Variants in TAFA5 observed in about 807,000 individuals in gnomAD.
The protein encoded by TAFA5 is chemokine-like protein TAFA-5.
In TAFA5, 6 loss-of-function variants were observed where a neutral mutation model predicts 15.3. The observed-to-expected ratio is 0.39, with a 90% confidence interval of 0.21 to 0.77. TAFA5 has a LOEUF of 0.77. Among genes scored for constraint, TAFA5 ranks in the 30% least tolerant of loss-of-function variants. The probability of loss-of-function intolerance (pLI) is 0.41; values close to 1 mark genes in which losing one functional copy is unlikely to be tolerated. For missense variants in TAFA5, 161 were observed against 193.1 expected, an observed-to-expected ratio of 0.83 and a Z score of 0.98; for synonymous variants, 103 against 80.7, an observed-to-expected ratio of 1.28 and a Z score of -1.48.
Position 48,512,692 on chromosome 22 carries a change from G to A in TAFA5, c.112+22988G>A, listed in dbSNP as rs529686969. On this transcript the variant is annotated intron_variant, in intron 1 of 3. Transcript: ENST00000402357. ...TCCTAGCACTTTGGGAGGCCGAGGC[G>A]GGTGGATCACGAGGTCAGGAGATCG... Among the ~76,000 whole-genome samples the A allele has an allele frequency of 4.6e-5, 7 of 151,846 alleles. No homozygotes were observed. The South Asian group carries it at 1.3e-3, about 27-fold the overall frequency.
At chr22:48,666,621 C>A (rs1266552934) in intron 2 of TAFA5, among the ~76,000 whole-genome samples, 1 of 58,646 alleles carries the variant, frequency 1.7e-5, no homozygotes, top group Non-Finnish European at 3.5e-5. Context: ...TGTACACTGC[C>A]ATTCCCTCTT....
chr22:48,674,145 G>C (rs1281291816), intron 2 of TAFA5, among the ~76,000 whole-genome samples: 1 of 152,168 alleles, frequency 6.6e-6, no homozygotes, highest in Non-Finnish European at 1.5e-5. Flanking sequence ...CCTTCCTCCT[G>C]CTTGGGCCGG....
intron 1 of TAFA5, among the ~76,000 whole-genome samples, chr22:48,542,045 C>T (rs1467175234): frequency 1.3e-5 from 2 of 151,524 alleles, no homozygotes; most frequent in Admixed American, 1.3e-4. Context: ...ATTGGAGGGG[C>T]CGGGGCGTGT....
chr22:48,500,140 G>C (rs532167956), intron 1 of TAFA5, among the ~76,000 whole-genome samples: 12 of 152,142 alleles, frequency 7.9e-5, no homozygotes, highest in Non-Finnish European at 1.6e-4. Context: ...TTGTCTTCCA[G>C]ACCCTCAATT....
intron 1 of TAFA5, among the ~76,000 whole-genome samples, chr22:48,542,664 G>GTGTGTGTGGTA (rs1417420293): frequency 2.1e-5 from 3 of 141,408 alleles, no homozygotes; most frequent in Non-Finnish European, 4.6e-5. Context: ...TGTGTGTGGT[G>GTGTGTGTGGTA]TGTGTGTGAT....
intron 3 of TAFA5, among the ~76,000 whole-genome samples, chr22:48,719,925 G>C (rs1321985422): frequency 6.6e-6 from 1 of 152,102 alleles, no homozygotes; most frequent in Admixed American, 6.6e-5. Context: ...AAAAAAAATT[G>C]GTTTGACCAA....
chr22:48,738,471 C>T (rs1930093193), intron 3 of TAFA5, among the ~76,000 whole-genome samples: 2 of 152,074 alleles, frequency 1.3e-5, no homozygotes, highest in Admixed American at 1.3e-4. Flanking sequence ...AAGGCCACGC[C>T]TGTGCTCCTG....
chr22:48,744,477 C>G (rs1396093257), intron 3 of TAFA5, among the ~76,000 whole-genome samples: 2 of 152,318 alleles, frequency 1.3e-5, no homozygotes, highest in East Asian at 3.9e-4. Context: ...AGGCCATGAC[C>G]CGTGTGGTTC....
intron 1 of TAFA5, among the ~76,000 whole-genome samples, chr22:48,589,921 A>G (rs529135422): frequency 1.3e-5 from 2 of 152,228 alleles, no homozygotes; most frequent in Admixed American, 1.3e-4. Flanking sequence ...GGTTTGTTAC[A>G]GCGGCCAGAG....
In TAFA5 at chr22:48,552,638, A is replaced by C. The variant is rs1414663916; in HGVS notation, c.112+62934A>C. On this transcript the variant is annotated intron_variant, in intron 1 of 3. Coordinates refer to ENST00000402357, the MANE Select transcript of TAFA5 (RefSeq NM_001082967.3). The surrounding 1 kb of genome is among the most constrained non-coding windows in gnomAD (Gnocchi z 4.1). ...GGCTCGGAGTTGCGGGCAGGGTGGG[A>C]GACCCCTTCCAGAGGGGCCCCTGTA... Among the ~76,000 whole-genome samples, 1 of 152,118 alleles carries C rather than the reference A, an allele frequency of 6.6e-6. No individual in the cohort carries two copies. The highest frequency in any genetic ancestry group is 1.5e-5 in the Non-Finnish European group (1 of 67,992).
rs772883006 is a variant in TAFA5 at position 48,585,644 on chromosome 22, CACTA to C, written c.113-60952_113-60949del. Among the ~76,000 whole-genome samples, 58 of 151,106 alleles carry C rather than the reference CACTA, an allele frequency of 3.8e-4. No individual in the cohort carries two copies. The East Asian group carries it at 7.8e-3, about 20-fold the overall frequency. On this transcript the variant is annotated intron_variant, in intron 1 of 3. Transcript: ENST00000402357. ...CCACACACACTAGACATCACACACA[CACTA>C]TGCATTATGCACACACACCACACAC...
intron 1 of TAFA5, chr22:48,576,554 C>T (rs757041974): frequency 1.3e-6 from 2 of 1,510,494 alleles, no homozygotes; most frequent in Non-Finnish European, 1.8e-6. Flanking sequence ...GTGATCCACG[C>T]GCAGTTCCTC....
In TAFA5 at chr22:48,610,450, C is replaced by T. The variant is rs574742898; in HGVS notation, c.113-36147C>T. ...ACGAAAGGTACACTGAGGAAGCGCC[C>T]TCAGGCACCCAGTGAACTGCGGACC... On this transcript the variant is annotated intron_variant, in intron 1 of 3. Coordinates refer to ENST00000402357, the MANE Select transcript of TAFA5 (RefSeq NM_001082967.3). Among the ~76,000 whole-genome samples the T allele has an allele frequency of 7.5e-4, 114 of 152,366 alleles. 2 individuals are homozygous for T. The highest frequency in any genetic ancestry group is 1.3e-3 in the Non-Finnish European group (87 of 68,034).
At chr22:48,684,423 T>C (rs1361198511) in intron 2 of TAFA5, among the ~76,000 whole-genome samples, 1 of 152,162 alleles carries the variant, frequency 6.6e-6, no homozygotes. Flanking sequence ...TCCCAGCAGC[T>C]GTCCCATAAA....
intron 1 of TAFA5, among the ~76,000 whole-genome samples, chr22:48,582,701 A>T (rs1264166561): frequency 1.3e-5 from 2 of 150,892 alleles, no homozygotes; most frequent in East Asian, 3.9e-4. Flanking sequence ...CACACCACAC[A>T]CAAAATACAC....
At chr22:48,703,876 CAG>C (rs1218821449) in intron 2 of TAFA5, among the ~76,000 whole-genome samples, 6 of 152,236 alleles carry the variant, frequency 3.9e-5, no homozygotes, top group Non-Finnish European at 8.8e-5. Flanking sequence ...CCCTGTGCTG[CAG>C]AGAGTGCCAG....
At chr22:48,523,655 A>G (rs1159497819) in intron 1 of TAFA5, among the ~76,000 whole-genome samples, 1 of 152,060 alleles carries the variant, frequency 6.6e-6, no homozygotes, top group African/African-American at 2.4e-5. Flanking sequence ...TCTGTGCCCA[A>G]CTTGGGCCAG....
At chr22:48,574,629 C>A (rs1923696569) in intron 1 of TAFA5, among the ~76,000 whole-genome samples, 1 of 152,214 alleles carries the variant, frequency 6.6e-6, no homozygotes, top group South Asian at 2.1e-4. Flanking sequence ...ACTGCCCCCA[C>A]CCTGCACAGG....
At chr22:48,617,537 C>T (rs535308055) in intron 1 of TAFA5, among the ~76,000 whole-genome samples, 2 of 152,202 alleles carry the variant, frequency 1.3e-5, no homozygotes, top group African/African-American at 4.8e-5. Context: ...TCAGTGGCCC[C>T]GGAAGCGCCT....
Sources: allele counts gnomAD v4.1 joint callset (sites outside exome capture counted in the v4.1 genomes callset), GRCh38; gene constraint gnomAD v4.1.1; non-coding constraint Gnocchi (gnomAD v3.1); transcripts MANE v1.5; gene names NCBI Gene and HGNC (gene_info 2026-07-23, HGNC 2026-07-21).